The following COPS2 variants were observed in gnomAD, a reference collection of about 807,000 sequenced individuals.
The protein encoded by COPS2 is COP9 signalosome subunit 2.
A neutral mutation model predicts 66.1 loss-of-function variants in COPS2; 10 were observed. The observed-to-expected ratio is 0.15, with a 90% CI of 0.09 to 0.26. The LOEUF is 0.26. Ranked by LOEUF, COPS2 falls within the 10% of genes least tolerant of loss-of-function variation. The pLI is 1.00. For missense variants in COPS2, 215 were observed against 513.3 expected (o/e 0.42, Z 5.62); for synonymous variants, 179 against 171.3 (o/e 1.04, Z -0.35).
chr15:49,154,248 T>C (rs868729655), intron 1 of COPS2, among the ~76,000 whole-genome samples: 2 of 152,124 alleles, frequency 1.3e-5, no homozygotes, highest in Middle Eastern at 3.2e-3. Context: ...TAAGTAAAAA[T>C]GGACAGATAC....
chr15:49,139,716 T>C (rs2084277840), intron 3 of COPS2, 63 bp from the exon 4 acceptor site: 1 of 1,270,700 alleles, frequency 7.9e-7, no homozygotes, highest in African/African-American at 1.5e-5. Flanking sequence ...GTACACATGA[T>C]TAAGGTTATA....
chr15:49,155,475 C>G (rs762233437), intron 1 of COPS2, 50 bp downstream of exon 1: 2 of 1,598,532 alleles, frequency 1.3e-6, no homozygotes, highest in South Asian at 2.2e-5. Context: ...GCCCGGACCC[C>G]GAAAACAAGA....
At chr15:49,132,972 A>C (rs959743258) in intron 9 of COPS2, among the ~76,000 whole-genome samples, 1 of 149,792 alleles carries the variant, frequency 6.7e-6, no homozygotes, top group Non-Finnish European at 1.5e-5. Context: ...ACCTCAGAAA[A>C]TTATCCATTG....
chr15:49,142,343 T>C (rs1321441913), intron 3 of COPS2, among the ~76,000 whole-genome samples: 2 of 152,222 alleles, frequency 1.3e-5, no homozygotes, highest in Non-Finnish European at 2.9e-5. Context: ...ACAGCTTCTG[T>C]AGGAGATGCC....
chr15:49,128,931 T>TA (rs1218968684), intron 11 of COPS2, among the ~76,000 whole-genome samples, 171 bp from the exon 12 acceptor site: 1 of 152,204 alleles, frequency 6.6e-6, no homozygotes, highest in Non-Finnish European at 1.5e-5. Flanking sequence ...ACAGGTATGA[T>TA]AAAGACTTAA....
Position 49,125,840 on chromosome 15 carries a change from G to A in COPS2, c.*2110C>T, listed in dbSNP as rs986879394. On this transcript the variant is annotated 3_prime_UTR_variant, in exon 13 of 13. Transcript: ENST00000388901. ...CCAGTTTTCCAAATAACAAGTGCAT[G>A]CTTTCTCTCTAGAAAGTGGAAGATG... The A allele has an allele frequency of 1.1e-4, 17 of 152,084 alleles. No homozygotes were observed. Among genetic ancestry groups the A allele is most frequent in the Admixed American group, 7.2e-4 (11 of 15,280 alleles). 9.4% of individuals were successfully genotyped at this position (152,084 alleles called of 1,614,324 possible).
intron 1 of COPS2, among the ~76,000 whole-genome samples, chr15:49,150,325 T>C (rs930927432): frequency 2.0e-5 from 3 of 151,964 alleles, no homozygotes; most frequent in African/African-American, 7.2e-5. Context: ...GCAGACATTT[T>C]TCTATATTTT....
chr15:49,135,819 T>G (rs993262411), intron 6 of COPS2, among the ~76,000 whole-genome samples: 1 of 152,200 alleles, frequency 6.6e-6, no homozygotes, highest in African/African-American at 2.4e-5. Context: ...CTGAACATAC[T>G]TCCATCAAAG....
chr15:49,129,630 C>T, intron 10 of COPS2, 71 bp from the exon 11 acceptor site: 2 of 666,782 alleles, frequency 3.0e-6, no homozygotes, highest in South Asian at 2.8e-5. Flanking sequence ...TCATTATGTA[C>T]TCCTAATTAT....
Position 49,127,825 on chromosome 15 carries a change from T to G in COPS2, c.*125A>C, listed in dbSNP as rs528873561. ...ACAAACCAGTTGATCAAAAAAGCAC[T>G]TCTGCCATAACTCCAATAATTTTCA... On this transcript the variant is annotated 3_prime_UTR_variant, in exon 13 of 13. Transcript: ENST00000388901. The G allele has an allele frequency of 1.2e-5, 12 of 1,015,096 alleles. No homozygotes were observed. In the South Asian group the frequency reaches 2.1e-4, roughly 18 times the overall value. 62.9% of individuals were successfully genotyped at this position (1,015,096 alleles called of 1,614,324 possible). A position where few individuals can be genotyped will look rare whatever the true frequency, so the allele number is the denominator to read the frequency against.
At position 49,122,777 on chromosome 15, in the gene COPS2, T is replaced by TA. The variant is rs1228767228; in HGVS notation, c.*5172dup. On this transcript the variant is annotated 3_prime_UTR_variant, in exon 13 of 13. Transcript: ENST00000388901. The stretch of plus-strand genomic sequence containing the variant: ...TAAGGAATGTGCACTTCCAGATAAA[T>TA]AAAAAAACCCTTGAGTATTTAAGCC... 1.3e-5 allele frequency: 2 copies of TA among 152,176 alleles called. No individual in the cohort carries two copies. The highest frequency in any genetic ancestry group is 2.4e-5 in the African/African-American group (1 of 41,528). 9.4% of individuals were successfully genotyped at this position (152,176 alleles called of 1,614,324 possible).
chr15:49,130,664 T>C, intron 10 of COPS2, 55 bp downstream of exon 10: 1 of 1,060,598 alleles, frequency 9.4e-7, no homozygotes. Flanking sequence ...TTAAGTGGCA[T>C]TTCTTTGACA....
chr15:49,133,114 G>A (rs1428708774), intron 9 of COPS2, among the ~76,000 whole-genome samples: 7 of 149,066 alleles, frequency 4.7e-5, no homozygotes, highest in Admixed American at 4.1e-4. Flanking sequence ...TCAGCCTCCC[G>A]AGTAGCTGAG....
At chr15:49,130,689 A>G (rs777411869) in intron 10 of COPS2, 30 bp downstream of exon 10, 1 of 1,327,308 alleles carries the variant, frequency 7.5e-7, no homozygotes, top group Non-Finnish European at 1.1e-6. Flanking sequence ...CAAAGAAAGT[A>G]ATAGAATCCA....
rs1440611396 is a variant in COPS2 at position 49,150,001 on chromosome 15, A to C, written c.55-4923T>G. On this transcript the variant is annotated intron_variant, in intron 1 of 12. Coordinates refer to ENST00000388901, the MANE Select transcript of COPS2 (RefSeq NM_004236.4). ...TTAGAATTAAAAAACAAAACAAAAC[A>C]AAAAAACTGTCTGCTGGGCACGGTG... Among the ~76,000 whole-genome samples, 11 of 152,148 alleles carry C rather than the reference A, an allele frequency of 7.2e-5. 1 individual carries two copies. The highest frequency in any genetic ancestry group is 7.2e-4 in the Admixed American group (11 of 15,276).
rs778708577 is a variant in COPS2, at chr15:49,122,979, G to C, written c.*4971C>G. 6.6e-6 allele frequency: 1 copy of C among 152,102 alleles called. No individual in the cohort carries two copies. Among genetic ancestry groups the C allele is most frequent in the Non-Finnish European group, 1.5e-5 (1 of 67,996 alleles). The allele number at this position is 152,102 out of a possible 1,614,324, so 9.4% of individuals were successfully genotyped here. On this transcript the variant is annotated 3_prime_UTR_variant, in exon 13 of 13. Transcript: ENST00000388901. ...TATATTAGCTTATCATAAACAAAATGGAGAAAATTTATAATGCAACCAATT... is the reference window on the plus strand; with the variant it reads ...TATATTAGCTTATCATAAACAAAATCGAGAAAATTTATAATGCAACCAATT...
At chr15:49,146,202 T>C (rs1486168824) in intron 1 of COPS2, among the ~76,000 whole-genome samples, 2 of 152,144 alleles carry the variant, frequency 1.3e-5, no homozygotes, top group Non-Finnish European at 2.9e-5. Flanking sequence ...GTGCGCCCTC[T>C]GGAGGATAAT....
At position 49,155,596 on chromosome 15, in the gene COPS2, G is replaced by A. The variant is rs369648099; in HGVS notation, c.-18C>T. On this transcript the variant is annotated 5_prime_UTR_variant, in exon 1 of 13. Transcript: ENST00000388901. ...TCAGACATCTTGGCCGGGAGGGGGAGGAGAAATTGGAGACAACCTCCTCCC... is the reference window on the plus strand; with the variant it reads ...TCAGACATCTTGGCCGGGAGGGGGAAGAGAAATTGGAGACAACCTCCTCCC... The A allele has an allele frequency of 5.6e-6, 9 of 1,612,150 alleles. No homozygotes were observed. The highest frequency in any genetic ancestry group is 3.3e-5 in the South Asian group (3 of 91,028).
chr15:49,154,721 A>G (rs1231222943), intron 1 of COPS2, among the ~76,000 whole-genome samples: 1 of 152,236 alleles, frequency 6.6e-6, no homozygotes, highest in Non-Finnish European at 1.5e-5. Flanking sequence ...CAAATCCATT[A>G]ATAAATGAAG....
Sources: allele counts gnomAD v4.1 joint callset (sites outside exome capture counted in the v4.1 genomes callset), GRCh38; gene constraint gnomAD v4.1.1; transcripts MANE v1.5; gene names NCBI Gene and HGNC (gene_info 2026-07-23, HGNC 2026-07-21).